PCDHA2: variants seen among roughly 807,000 people sequenced by gnomAD.
The protein encoded by PCDHA2 is protocadherin alpha-2.
Under a neutral mutation model 66.0 loss-of-function variants are expected in PCDHA2, and 58 were observed. The ratio of observed to expected loss-of-function variants is 0.88; its 90% CI spans 0.71 to 1.09. The LOEUF (loss-of-function observed/expected upper bound fraction) is 1.09, where lower values mean the gene tolerates loss of function less well. PCDHA2 is among the 50% of genes least tolerant of loss of function. PCDHA2 has a pLI of 0.00. For synonymous variants in PCDHA2, 634 were observed against 554.0 expected, an observed-to-expected ratio of 1.14 and a Z score of -2.03; for missense variants, 1,267 against 1,242.3, an observed-to-expected ratio of 1.02 and a Z score of -0.30.
rs782554104 is a variant in PCDHA2, at chr5:140,809,508, C to T, written c.2388+12156C>T. The T allele has an allele frequency of 3.7e-6, 6 of 1,614,204 alleles. No individual in the cohort carries two copies. The East Asian group carries it at 1.1e-4, about 30-fold the overall frequency. Reference sequence around the variant, plus strand: ...AAGACCGACCTCATGGCCTTCAGCCCCAGTTTACCTGACTCTAGGGACAGA... The same window carrying T: ...AAGACCGACCTCATGGCCTTCAGCCTCAGTTTACCTGACTCTAGGGACAGA... On this transcript the variant is annotated intron_variant, in intron 1 of 3. Coordinates refer to ENST00000526136, the MANE Select transcript of PCDHA2 (RefSeq NM_018905.3).
chr5:140,829,101 TA>T (rs1562303098), intron 1 of PCDHA2: 1 of 1,611,922 alleles, frequency 6.2e-7, no homozygotes, highest in Admixed American at 1.7e-5. Flanking sequence ...TGCACCGTTT[TA>T]GTGAGAATTT....
intron 1 of PCDHA2, chr5:140,829,438 T>A (rs782236378): frequency 2.5e-6 from 4 of 1,613,992 alleles, no homozygotes; most frequent in Non-Finnish European, 3.4e-6. Flanking sequence ...CCGACATGAA[T>A]GACAATGCTC....
Position 140,795,229 on chromosome 5 carries a change from C to T in PCDHA2, c.265C>T (p.Arg89Trp), listed in dbSNP as rs1554119311. Residue 89 changes from arginine to tryptophan, a missense_variant, in exon 1 of 4, where the codon CGG becomes TGG. Coordinates refer to ENST00000526136, the MANE Select transcript of PCDHA2 (RefSeq NM_018905.3). The stretch of plus-strand genomic sequence containing the variant: ...GAATGGCATTTTGTTTGTGAATTCT[C>T]GGATCGACCGGGAGGAGCTGTGCGG... The part of the protein sequence containing the change: ...LQNGILFVNS[R>W]IDREELCGRS... 1.2e-6 allele frequency: 2 copies of T among 1,614,228 alleles called. No individual in the cohort carries two copies. Among genetic ancestry groups the T allele is most frequent in the Admixed American group, 1.7e-5 (1 of 60,030 alleles).
intron 1 of PCDHA2, chr5:140,966,857 C>A: frequency 6.3e-7 from 1 of 1,575,742 alleles, no homozygotes; most frequent in Non-Finnish European, 8.6e-7. Flanking sequence ...TCTCCTGCTG[C>A]TGTTGCTGCT....
At chr5:140,870,461 C>G in intron 1 of PCDHA2, 2 of 1,614,246 alleles carry the variant, frequency 1.2e-6, no homozygotes, top group Admixed American at 3.3e-5. Context: ...AATGCGCCTG[C>G]GTTCGCACAG....
intron 1 of PCDHA2, among the ~76,000 whole-genome samples, chr5:140,890,656 A>C (rs181998048): frequency 1.3e-5 from 2 of 152,300 alleles, no homozygotes; most frequent in Admixed American, 6.5e-5. Context: ...CAAAATCAAA[A>C]GTTAACTGAA....
chr5:140,880,168 T>A (rs1287992545), intron 1 of PCDHA2, among the ~76,000 whole-genome samples: 1 of 152,084 alleles, frequency 6.6e-6, no homozygotes, highest in East Asian at 1.9e-4. Flanking sequence ...ATGTTAGAAG[T>A]TAAACATGAA....
intron 1 of PCDHA2, chr5:140,809,560 A>C (rs782739291): frequency 6.2e-7 from 1 of 1,608,418 alleles, no homozygotes; most frequent in Admixed American, 1.7e-5. Context: ...CAACTGAGGA[A>C]TCCTTTGCAA....
chr5:140,807,725 C>T (rs782588893), intron 1 of PCDHA2: 5 of 1,614,176 alleles, frequency 3.1e-6, no homozygotes, highest in Non-Finnish European at 4.2e-6. Context: ...ATACTTTTCT[C>T]TGGAAAAACC....
At chr5:140,910,067 G>A (rs868941459) in intron 1 of PCDHA2, among the ~76,000 whole-genome samples, 11 of 152,312 alleles carry the variant, frequency 7.2e-5, no homozygotes, top group Non-Finnish European at 1.3e-4. Context: ...TTTTAACAGC[G>A]TAAATTGTTG....
At chr5:140,996,695 A>G (rs1207094122) in intron 3 of PCDHA2, among the ~76,000 whole-genome samples, 1 of 152,088 alleles carries the variant, frequency 6.6e-6, no homozygotes, top group East Asian at 1.9e-4. Context: ...ATTCTTCTGA[A>G]CCTCTATCTC....
At chr5:140,943,237 C>T (rs1364015851) in intron 1 of PCDHA2, among the ~76,000 whole-genome samples, 1 of 121,190 alleles carries the variant, frequency 8.3e-6, no homozygotes, top group African/African-American at 3.3e-5. Flanking sequence ...CAGCCTGGGT[C>T]ACAGAGTGAG....
rs1379248044 is a variant in PCDHA2, at chr5:140,809,384, G to T, written c.2388+12032G>T. 7 of 1,614,062 alleles carry T rather than the reference G, an allele frequency of 4.3e-6. No homozygotes were observed. In the East Asian group the frequency reaches 1.3e-4, roughly 31 times the overall value. ...TGCGCTGCCCACCGAGGGCGCGTGC[G>T]CTCCGGGCAAGCCCACGCTGGTGTG... On this transcript the variant is annotated intron_variant, in intron 1 of 3. Coordinates refer to ENST00000526136, the MANE Select transcript of PCDHA2 (RefSeq NM_018905.3).
intron 3 of PCDHA2, among the ~76,000 whole-genome samples, chr5:140,988,690 C>T (rs1286168942): frequency 2.6e-5 from 4 of 152,148 alleles, no homozygotes; most frequent in South Asian, 2.1e-4. Flanking sequence ...TTTCCCTAGA[C>T]GCTCTGTATT....
intron 1 of PCDHA2, among the ~76,000 whole-genome samples, chr5:140,945,576 T>G (rs1383348275): frequency 6.6e-6 from 1 of 152,064 alleles, no homozygotes; most frequent in African/African-American, 2.4e-5. Context: ...ACTACCTGGC[T>G]TCAAAATATA....
intron 1 of PCDHA2, chr5:140,967,193 G>A (rs1190093681): frequency 6.2e-7 from 1 of 1,613,392 alleles, no homozygotes; most frequent in Non-Finnish European, 8.5e-7. Flanking sequence ...GGACATCAAC[G>A]ACAACTCACC....
chr5:140,966,826 GC>G, intron 1 of PCDHA2: 1 of 1,560,690 alleles, frequency 6.4e-7, no homozygotes, highest in Non-Finnish European at 8.6e-7. Flanking sequence ...GGCGGCCCAT[GC>G]CCTGGCTGCT....
intron 3 of PCDHA2, among the ~76,000 whole-genome samples, chr5:140,999,140 G>A (rs1473682487): frequency 6.6e-6 from 1 of 152,164 alleles, no homozygotes; most frequent in African/African-American, 2.4e-5. Context: ...TGTCACAGCC[G>A]GAAGTCTTCA....
At chr5:140,807,152 C>G in intron 1 of PCDHA2, 1 of 1,579,498 alleles carries the variant, frequency 6.3e-7, no homozygotes. Flanking sequence ...CTTTGAGAAA[C>G]GATATTTAAT....
Sources: gnomAD v4.1 joint callset for allele counts (sites outside exome capture counted in the v4.1 genomes callset) on GRCh38, gnomAD v4.1.1 for gene constraint, MANE v1.5 for transcripts, NCBI Gene and HGNC (gene_info 2026-07-23, HGNC 2026-07-21) for gene names.